Variants in ZBTB46 observed in about 807,000 individuals in gnomAD.
ZBTB46 encodes the protein zinc finger and BTB domain containing 46.
ZBTB46 carries 8 observed loss-of-function variants against 44.1 expected under a neutral mutation model. The observed-to-expected ratio is 0.18, with a 90% CI of 0.11 to 0.33. The LOEUF is 0.33. Among genes scored for constraint, ZBTB46 ranks in the 10% least tolerant of loss-of-function variants. ZBTB46 has a pLI of 1.00. For missense variants in ZBTB46, 651 were observed against 847.7 expected (o/e 0.77, Z 2.88); for synonymous variants, 409 against 382.3 (o/e 1.07, Z -0.81).
At position 63,746,880 on chromosome 20, in the gene ZBTB46, C is replaced by T. The variant is rs1335827617; in HGVS notation, c.*50G>A. The T allele has an allele frequency of 2.1e-6, 3 of 1,459,884 alleles. No individual in the cohort carries two copies. The highest frequency in any genetic ancestry group is 2.7e-6 in the Non-Finnish European group (3 of 1,107,236). The allele number at this position is 1,459,884 out of a possible 1,614,324, so 90.4% of individuals were successfully genotyped here. On this transcript the variant is annotated 3_prime_UTR_variant, in exon 5 of 5. Transcript: ENST00000245663. ...CCGCAGTGGAGACCCACCGGACACA[C>T]ACACGGGTGGACGGAGCGAGGCAGC...
In ZBTB46 at chr20:63,803,350, C is replaced by T. The variant is rs1012549549; in HGVS notation, c.-33-12560G>A. The T allele has an allele frequency of 1.0e-5, 10 of 985,334 alleles. No homozygotes were observed. Among genetic ancestry groups the T allele is most frequent in the Non-Finnish European group, 1.2e-5 (10 of 829,946 alleles). 61.0% of individuals were successfully genotyped at this position (985,334 alleles called of 1,614,324 possible). ...ACATCATATTACCATTGTTCGTGGT[C>T]GCATTTCAAAATTTTTAAGTGAGCT... is the stretch of plus-strand genomic sequence containing the variant. On this transcript the variant is annotated intron_variant, in intron 1 of 4. Coordinates refer to ENST00000245663, the MANE Select transcript of ZBTB46 (RefSeq NM_001369741.1). This position sits in a 1 kb window ranked among gnomAD's most constrained non-coding sequence, Gnocchi z 4.0.
In ZBTB46 at chr20:63,790,188, G is replaced by A. The variant is rs375452207; in HGVS notation, c.570C>T (p.His190=). The change falls in exon 2 of 5, where the codon CAC becomes CAT. Residue 190 remains histidine, a synonymous_variant. Transcript: ENST00000245663. ...CTTTCCCGTAGCTGCTCCCTCCGTC[G>A]TGACAGCTGGCGATGGCCGAGTCTC... The part of the protein sequence containing the change: ...SSGDSAIASC[H]DGGSSYGKED... 18 of 1,613,346 alleles carry A rather than the reference G, an allele frequency of 1.1e-5. No homozygotes were observed. Among genetic ancestry groups the A allele is most frequent in the South Asian group, 4.4e-5 (4 of 91,038 alleles).
intron 2 of ZBTB46, among the ~76,000 whole-genome samples, chr20:63,783,022 C>T (rs1378684646): frequency 1.3e-5 from 2 of 152,122 alleles, no homozygotes; most frequent in Non-Finnish European, 2.9e-5. Flanking sequence ...CCCAGCTACT[C>T]AGGAGGCTGA....
chr20:63,772,872 G>A (rs2092388398), intron 3 of ZBTB46, among the ~76,000 whole-genome samples: 1 of 152,162 alleles, frequency 6.6e-6, no homozygotes, highest in Non-Finnish European at 1.5e-5. Context: ...GAAAAAGCCA[G>A]AACCACTCAA....
At chr20:63,748,844 C>T (rs1160022771) in intron 4 of ZBTB46, among the ~76,000 whole-genome samples, 1 of 152,250 alleles carries the variant, frequency 6.6e-6, no homozygotes, top group Admixed American at 6.5e-5. Context: ...CCAGTTTTCT[C>T]CCATGAGCAA....
intron 1 of ZBTB46, among the ~76,000 whole-genome samples, chr20:63,817,009 G>A (rs1439028278): frequency 1.3e-5 from 2 of 152,132 alleles, no homozygotes; most frequent in Admixed American, 1.3e-4. Context: ...GAAGGCTGAG[G>A]CAGGAGAATC....
At chr20:63,764,329 G>T (rs1479188965) in intron 3 of ZBTB46, among the ~76,000 whole-genome samples, 1 of 152,038 alleles carries the variant, frequency 6.6e-6, no homozygotes, top group Non-Finnish European at 1.5e-5. Flanking sequence ...CCAGCTACTG[G>T]GGAGGCTGAG....
intron 1 of ZBTB46, among the ~76,000 whole-genome samples, chr20:63,797,506 GGGTATAT>G (rs2092612989): frequency 6.6e-6 from 1 of 152,076 alleles, no homozygotes; most frequent in Non-Finnish European, 1.5e-5. Context: ...ATAATCCTTT[GGGTATAT>G]ACCCAGTAAT....
chr20:63,752,971 C>T lies in ZBTB46; in HGVS notation c.1223-110G>A. On this transcript the variant is annotated intron_variant, in intron 3 of 4. Coordinates refer to ENST00000245663, the MANE Select transcript of ZBTB46 (RefSeq NM_001369741.1). This position sits in a 1 kb window ranked among gnomAD's most constrained non-coding sequence, Gnocchi z 5.6. ...CCAGCAGCCAGGACGGGCTGTCTCC[C>T]ACGGCCACCCACTGGGGGCTGGTCA... is the stretch of plus-strand genomic sequence containing the variant. 1 of 1,209,978 alleles carries T rather than the reference C, an allele frequency of 8.3e-7. No individual in the cohort carries two copies. Among genetic ancestry groups the T allele is most frequent in the Non-Finnish European group, 1.1e-6 (1 of 885,686 alleles). The allele number at this position is 1,209,978 out of a possible 1,614,324, so 75.0% of individuals were successfully genotyped here.
At chr20:63,793,022 C>G (rs1055860401) in intron 1 of ZBTB46, among the ~76,000 whole-genome samples, 1 of 152,174 alleles carries the variant, frequency 6.6e-6, no homozygotes, top group African/African-American at 2.4e-5. Flanking sequence ...CCCAGCCTCC[C>G]CTTCACTTCC....
At chr20:63,823,847 C>T (rs1352582148) in intron 1 of ZBTB46, among the ~76,000 whole-genome samples, 2 of 98,026 alleles carry the variant, frequency 2.0e-5, no homozygotes, top group East Asian at 4.9e-4. Flanking sequence ...GACCTTTGTC[C>T]TCTAGGAACC....
At chr20:63,824,625 AC>A (rs1036751980) in intron 1 of ZBTB46, among the ~76,000 whole-genome samples, 2 of 84,040 alleles carry the variant, frequency 2.4e-5, no homozygotes, top group Admixed American at 1.4e-4. Flanking sequence ...GCCTTCCCCC[AC>A]CCCCGTTCTT....
At chr20:63,825,104 C>A (rs2092812785) in intron 1 of ZBTB46, among the ~76,000 whole-genome samples, 1 of 150,172 alleles carries the variant, frequency 6.7e-6, no homozygotes, top group Non-Finnish European at 1.5e-5. Context: ...ATCTCACCAT[C>A]ATCAAACCCT....
intron 1 of ZBTB46, among the ~76,000 whole-genome samples, chr20:63,813,695 A>G (rs1288255625): frequency 6.6e-6 from 1 of 152,186 alleles, no homozygotes; most frequent in Non-Finnish European, 1.5e-5. Flanking sequence ...AATAAGTAGC[A>G]TGAAACAGAG....
rs2092069842 is a variant in ZBTB46 at position 63,744,518 on chromosome 20, C to T, written c.*2412G>A. 6.6e-6 allele frequency: 1 copy of T among 152,250 alleles called. No individual in the cohort carries two copies. Among genetic ancestry groups the T allele is most frequent in the African/African-American group, 2.4e-5 (1 of 41,414 alleles). The allele number at this position is 152,250 out of a possible 1,614,324, so 9.4% of individuals were successfully genotyped here. On this transcript the variant is annotated 3_prime_UTR_variant, in exon 5 of 5. Coordinates refer to ENST00000245663, the MANE Select transcript of ZBTB46 (RefSeq NM_001369741.1). ...TACAAAATGTGAAATGTAATCTACA[C>T]ATTTTTCCTCTTCATAAAAAAATAT...
chr20:63,801,011 C>G (rs573362619), intron 1 of ZBTB46, among the ~76,000 whole-genome samples: 2 of 152,352 alleles, frequency 1.3e-5, no homozygotes, highest in Admixed American at 1.3e-4. Context: ...CTGGTGGGGA[C>G]TTGGAGAACC....
intron 3 of ZBTB46, 178 bp downstream of exon 3, chr20:63,775,500 A>C: frequency 2.7e-6 from 2 of 750,268 alleles, no homozygotes; most frequent in South Asian, 2.4e-5. Flanking sequence ...CCCCCCGTGC[A>C]CCTGAGAGGC....
intron 1 of ZBTB46, among the ~76,000 whole-genome samples, chr20:63,798,685 A>AAAAAAAAAAAAAAAAC (rs1417351365): frequency 7.8e-5 from 10 of 127,944 alleles, no homozygotes; most frequent in East Asian, 2.2e-4. Context: ...AAAAAAAAAA[A>AAAAAAAAAAAAAAAAC]AAAAAAAATT....
At chr20:63,818,386 C>A (rs566989733) in intron 1 of ZBTB46, among the ~76,000 whole-genome samples, 1 of 152,192 alleles carries the variant, frequency 6.6e-6, no homozygotes, top group Admixed American at 6.5e-5. Flanking sequence ...CCTGGGTCTT[C>A]GTGAGGAGGA....
Sources: gnomAD v4.1 joint callset for allele counts (sites outside exome capture counted in the v4.1 genomes callset) on GRCh38, gnomAD v4.1.1 for gene constraint, Gnocchi (gnomAD v3.1) non-coding constraint, MANE v1.5 for transcripts, NCBI Gene and HGNC (gene_info 2026-07-23, HGNC 2026-07-21) for gene names.